Variants in PNPLA7 observed in about 807,000 individuals in gnomAD.
PNPLA7 encodes the protein patatin like domain 7, lysophospholipase.
A neutral mutation model predicts 161.7 loss-of-function variants in PNPLA7; 153 were observed. That is an observed-to-expected ratio of 0.95 (90% confidence interval 0.83 to 1.08). PNPLA7 has a LOEUF of 1.08. Ranked by LOEUF, PNPLA7 falls within the 50% of genes least tolerant of loss-of-function variation. The pLI, the probability that PNPLA7 is intolerant of heterozygous loss-of-function variation, is 0.00. For synonymous variants in PNPLA7, 809 were observed against 782.1 expected (o/e 1.03, Z -0.57); for missense variants, 1,739 against 1,856.6 (o/e 0.94, Z 1.16).
intron 8 of PNPLA7, among the ~76,000 whole-genome samples, chr9:137,535,584 C>G (rs1402130875): frequency 6.6e-6 from 1 of 151,710 alleles, no homozygotes; most frequent in Non-Finnish European, 1.5e-5. Flanking sequence ...GAAACCCCGT[C>G]CCTACTAAAA....
At chr9:137,495,520 T>C (rs904128540) in intron 18 of PNPLA7, among the ~76,000 whole-genome samples, 12 of 152,078 alleles carry the variant, frequency 7.9e-5, no homozygotes, top group African/African-American at 2.4e-4. Flanking sequence ...CTCGGCTCAC[T>C]GCAAGCTCCA....
intron 15 of PNPLA7, among the ~76,000 whole-genome samples, chr9:137,501,437 G>T (rs1833409510): frequency 6.6e-6 from 1 of 152,216 alleles, no homozygotes; most frequent in Admixed American, 6.5e-5. Context: ...GAGCAGAAGG[G>T]CCAGTGCAGC....
intron 4 of PNPLA7, among the ~76,000 whole-genome samples, chr9:137,544,730 G>A (rs570043343): frequency 1.3e-5 from 2 of 152,154 alleles, no homozygotes; most frequent in Admixed American, 6.5e-5. Flanking sequence ...TACAACCTCC[G>A]CCTCCTGGGT....
rs948291751 is a variant in PNPLA7 at position 137,499,332 on chromosome 9, G to A, written c.1758-1087C>T. Among the ~76,000 whole-genome samples the A allele has an allele frequency of 7.2e-5, 11 of 151,822 alleles. No homozygotes were observed. The highest frequency in any genetic ancestry group is 1.5e-4 in the Non-Finnish European group (10 of 67,932). On this transcript the variant is annotated intron_variant, in intron 16 of 34. Transcript: ENST00000406427. This position sits in a 1 kb window ranked among gnomAD's most constrained non-coding sequence, Gnocchi z 5.5. ...CACATGGAGACACACAGAGACACACGCAGACACACGACACACGCAGACACA... is the reference window on the plus strand; with the variant it reads ...CACATGGAGACACACAGAGACACACACAGACACACGACACACGCAGACACA...
intron 25 of PNPLA7, among the ~76,000 whole-genome samples, chr9:137,475,693 A>T (rs12005006): frequency 0.12 from 17,862 of 148,452 alleles, 2,169 homozygotes; most frequent in African/African-American, 0.33. Context: ...TTTTTTTTTT[A>T]AAAAAAAAGA....
chr9:137,500,029 T>C lies in PNPLA7; in HGVS notation c.1757+662A>G, dbSNP rs1296575121. ...GGACCTGACAGAGCAGAATGCCCAG[T>C]GCCGTGGATGCAAAGACGTGGCGGC... On this transcript the variant is annotated intron_variant, in intron 16 of 34. Transcript: ENST00000406427. This position sits in a 1 kb window ranked among gnomAD's most constrained non-coding sequence, Gnocchi z 5.5. 6.6e-6 allele frequency among the ~76,000 whole-genome samples: 1 copy of C among 152,186 alleles called. No homozygotes were observed.
At chr9:137,495,296 G>C (rs1360202024) in intron 18 of PNPLA7, 150 bp from the exon 19 acceptor site, 1 of 595,420 alleles carries the variant, frequency 1.7e-6, no homozygotes, top group East Asian at 2.8e-5. Context: ...GCTGGCGGGC[G>C]ACGCTGTCAG....
chr9:137,469,045 AG>A (rs60772458), intron 25 of PNPLA7, among the ~76,000 whole-genome samples: 1,789 of 152,316 alleles, frequency 0.012, 39 homozygotes, highest in African/African-American at 0.038. Flanking sequence ...ACTCCGTCTC[AG>A]AAAAAACAAA....
At chr9:137,480,066 C>T (rs959178611) in intron 23 of PNPLA7, among the ~76,000 whole-genome samples, 2 of 152,218 alleles carry the variant, frequency 1.3e-5, no homozygotes, top group African/African-American at 4.8e-5. Flanking sequence ...TGTAAAAGTG[C>T]GAAAGGCGGC....
intron 12 of PNPLA7, among the ~76,000 whole-genome samples, chr9:137,513,857 G>C (rs954118751): frequency 6.6e-6 from 1 of 152,244 alleles, no homozygotes; most frequent in Non-Finnish European, 1.5e-5. Context: ...TGCAGAAAGT[G>C]GGCAGAGAAT....
chr9:137,518,967 A>C, intron 11 of PNPLA7, among the ~76,000 whole-genome samples: 1 of 92,562 alleles, frequency 1.1e-5, no homozygotes, highest in African/African-American at 4.6e-5. Flanking sequence ...CACTCACTCC[A>C]CCCTATCCAC....
Position 137,550,364 on chromosome 9 carries a change from C to T in PNPLA7, c.-167G>A. The T allele has an allele frequency of 1.3e-6, 1 of 755,278 alleles. No homozygotes were observed. The allele number at this position is 755,278 out of a possible 1,614,324, so 46.8% of individuals were successfully genotyped here. A position where few individuals can be genotyped will look rare whatever the true frequency, so the allele number is the denominator to read the frequency against. On this transcript the variant is annotated 5_prime_UTR_variant, in exon 1 of 35. Coordinates refer to ENST00000406427, the MANE Select transcript of PNPLA7 (RefSeq NM_001098537.3). ...AATCCTGCTGAAAAAGTCTGTTCTC[C>T]AGGAAGAAAAGCTGTCTTTTGAGAA...
chr9:137,464,429 G>A lies in PNPLA7; in HGVS notation c.3067C>T (p.Leu1023=). ...EGMTSLMKAA[L]DLTYPITSMF... Reference sequence around the variant, plus strand: ...GACGTGATGGGGTAGGTGAGGTCCAGCGCGGCCTTCATCAAGGACGTCATG... The same window carrying A: ...GACGTGATGGGGTAGGTGAGGTCCAACGCGGCCTTCATCAAGGACGTCATG... Residue 1023 remains leucine (L), a synonymous_variant, in exon 27 of 35, where the codon CTG becomes TTG. Coordinates refer to ENST00000406427, the MANE Select transcript of PNPLA7 (RefSeq NM_001098537.3). 3 of 1,613,866 alleles carry A rather than the reference G, an allele frequency of 1.9e-6. No individual in the cohort carries two copies. Among genetic ancestry groups the A allele is most frequent in the Non-Finnish European group, 2.5e-6 (3 of 1,179,964 alleles).
At chr9:137,514,264 T>C (rs1253302890) in intron 12 of PNPLA7, among the ~76,000 whole-genome samples, 2 of 131,328 alleles carry the variant, frequency 1.5e-5, no homozygotes, top group Admixed American at 7.6e-5. Context: ...GTGGGTCACC[T>C]GGCTGTTGAG....
At chr9:137,513,736 A>G (rs1834355032) in intron 12 of PNPLA7, among the ~76,000 whole-genome samples, 1 of 152,202 alleles carries the variant, frequency 6.6e-6, no homozygotes, top group South Asian at 2.1e-4. Flanking sequence ...AGAATCTCCA[A>G]AAAAAACTAA....
intron 9 of PNPLA7, 91 bp from the exon 10 acceptor site, chr9:137,521,807 C>T (rs1835007957): frequency 1.8e-6 from 2 of 1,126,292 alleles, no homozygotes; most frequent in South Asian, 1.4e-5. Context: ...AGAACCGTGC[C>T]CCAAACCCTG....
chr9:137,463,406 C>A lies in PNPLA7; in HGVS notation c.3343+9G>T. ...GCTCCTGCCGGGCGTGGTCCCCCCACCGCAGTACCTGGGAGGTTGTTGATG... is the reference window on the plus strand; with the variant it reads ...GCTCCTGCCGGGCGTGGTCCCCCCAACGCAGTACCTGGGAGGTTGTTGATG... On this transcript the variant is annotated intron_variant, in intron 29 of 34. Coordinates refer to ENST00000406427, the MANE Select transcript of PNPLA7 (RefSeq NM_001098537.3). The A allele has an allele frequency of 1.3e-6, 2 of 1,597,472 alleles. No homozygotes were observed. The highest frequency in any genetic ancestry group is 2.3e-5 in the South Asian group (2 of 88,568).
chr9:137,521,537 G>T, intron 10 of PNPLA7, 99 bp downstream of exon 10: 2 of 1,157,010 alleles, frequency 1.7e-6, no homozygotes, highest in Non-Finnish European at 2.5e-6. Context: ...TGCTGGCACT[G>T]CCCCACCAGG....
intron 20 of PNPLA7, chr9:137,491,566 GTTACA>G: frequency 1.0e-6 from 1 of 985,418 alleles, no homozygotes; most frequent in Middle Eastern, 5.2e-4. Flanking sequence ...AGAGTGAAGA[GTTACA>G]TTACGTGTTA....
Sources: gnomAD v4.1 joint callset for allele counts (sites outside exome capture counted in the v4.1 genomes callset) on GRCh38, gnomAD v4.1.1 for gene constraint, Gnocchi (gnomAD v3.1) non-coding constraint, MANE v1.5 for transcripts, NCBI Gene and HGNC (gene_info 2026-07-23, HGNC 2026-07-21) for gene names.